The following RNF157 variants were observed in gnomAD, a reference collection of about 807,000 sequenced individuals.
RNF157 encodes E3 ubiquitin ligase RNF157.
Under a neutral mutation model 88.3 loss-of-function variants are expected in RNF157, and 55 were observed. The observed-to-expected ratio is 0.62, with a 90% CI of 0.50 to 0.78. The LOEUF is 0.78. Among genes scored for constraint, RNF157 ranks in the 30% least tolerant of loss-of-function variants. The pLI, the probability that RNF157 is intolerant of heterozygous loss-of-function variation, is 0.00. For missense variants in RNF157, 788 were observed against 860.8 expected (o/e 0.92, Z 1.06); for synonymous variants, 334 against 341.2 (o/e 0.98, Z 0.23).
intron 13 of RNF157, 84 bp downstream of exon 13, chr17:76,158,309 A>G: frequency 1.1e-6 from 1 of 892,562 alleles, no homozygotes; most frequent in Non-Finnish European, 1.9e-6. Context: ...AGTGAATGAG[A>G]GCAGAGGGAC....
intron 2 of RNF157, among the ~76,000 whole-genome samples, chr17:76,194,879 G>A (rs1356942004): frequency 1.3e-5 from 2 of 152,124 alleles, no homozygotes; most frequent in Non-Finnish European, 1.5e-5. Flanking sequence ...GCCAGGCGTG[G>A]TGGCGGGCGC....
chr17:76,196,143 G>A (rs539821205), intron 2 of RNF157, among the ~76,000 whole-genome samples: 53 of 152,282 alleles, frequency 3.5e-4, no homozygotes, highest in African/African-American at 1.1e-3. Context: ...TAACACTGCC[G>A]CCTCAATAAA....
chr17:76,201,992 C>G (rs767086581), intron 2 of RNF157, among the ~76,000 whole-genome samples: 7 of 151,652 alleles, frequency 4.6e-5, no homozygotes, highest in Non-Finnish European at 7.4e-5. Context: ...AGGGTACGCA[C>G]AGCTCAAAAT....
At chr17:76,179,719 A>G (rs549617234) in intron 2 of RNF157, among the ~76,000 whole-genome samples, 60 of 152,294 alleles carry the variant, frequency 3.9e-4, no homozygotes, top group African/African-American at 1.4e-3. Context: ...ATCTTATTTC[A>G]ACCTAAAACC....
At chr17:76,159,162 A>G (rs557026615) in intron 12 of RNF157, among the ~76,000 whole-genome samples, 173 bp downstream of exon 12, 7 of 152,270 alleles carry the variant, frequency 4.6e-5, no homozygotes, top group Admixed American at 4.6e-4. Flanking sequence ...GTACCTACAT[A>G]CCATCTTATT....
chr17:76,174,551 A>G (rs1330507616), intron 2 of RNF157, among the ~76,000 whole-genome samples: 1 of 152,240 alleles, frequency 6.6e-6, no homozygotes, highest in Non-Finnish European at 1.5e-5. Flanking sequence ...GTATTTTTAA[A>G]ATGTTATTTG....
intron 2 of RNF157, among the ~76,000 whole-genome samples, chr17:76,180,234 G>A (rs2069168580): frequency 6.6e-6 from 1 of 152,152 alleles, no homozygotes; most frequent in Admixed American, 6.6e-5. Context: ...GCAGCTTCTA[G>A]AATCCTATTT....
rs1298230853 is a variant in RNF157, at chr17:76,159,347, T to G, written c.1292A>C (p.Lys431Thr). Reference sequence around the variant, plus strand: ...ACTGGCTACTCACTTGGAGAGACTCTTTTTGAGTTTGAGTCCCTGACTGCT... The same window carrying G: ...ACTGGCTACTCACTTGGAGAGACTCGTTTTGAGTTTGAGTCCCTGACTGCT... ...DSSSQGLKLK[K>T]SLSKSTSQNS... The change falls in exon 12 of 19, where the codon AAG (lysine) becomes ACG (threonine). Residue 431 changes from lysine to threonine, a missense_variant. Physicochemically the swap from Lys to Thr is moderately conservative, Grantham distance 78. Coordinates refer to ENST00000269391, the MANE Select transcript of RNF157 (RefSeq NM_052916.3). The G allele has an allele frequency of 6.2e-7, 1 of 1,613,274 alleles. No homozygotes were observed.
In RNF157 at chr17:76,240,288, C is replaced by T; in HGVS notation, c.-48G>A. 1.0e-6 allele frequency: 1 copy of T among 962,652 alleles called. No individual in the cohort carries two copies. Among genetic ancestry groups the T allele is most frequent in the South Asian group, 4.7e-5 (1 of 21,170 alleles). The allele number at this position is 962,652 out of a possible 1,614,324, so 59.6% of individuals were successfully genotyped here. ...GCCCGGCCCCGGTGCCCGCGCCGCC[C>T]TCCGCGCTTCACCGCGGCCGCCCGC... is the stretch of plus-strand genomic sequence containing the variant. On this transcript the variant is annotated 5_prime_UTR_variant, in exon 1 of 19. Transcript: ENST00000269391. The surrounding 1 kb of genome is among the most constrained non-coding windows in gnomAD (Gnocchi z 4.4).
intron 1 of RNF157, among the ~76,000 whole-genome samples, chr17:76,239,007 C>CG (rs1178280741): frequency 6.6e-6 from 1 of 152,174 alleles, no homozygotes; most frequent in Non-Finnish European, 1.5e-5. Context: ...TTTCACCTGG[C>CG]AGACACTGGA....
At chr17:76,171,373 G>C (rs1014891338) in intron 3 of RNF157, among the ~76,000 whole-genome samples, 1 of 151,392 alleles carries the variant, frequency 6.6e-6, no homozygotes, top group African/African-American at 2.4e-5. Context: ...ATTTTTAGTA[G>C]AGACGGGTTT....
At chr17:76,235,363 A>G (rs946292653) in intron 1 of RNF157, among the ~76,000 whole-genome samples, 1 of 152,024 alleles carries the variant, frequency 6.6e-6, no homozygotes, top group Non-Finnish European at 1.5e-5. Context: ...ATGCCTGGCT[A>G]ATTTTTTTGT....
chr17:76,204,895 C>CT (rs1439825634), intron 2 of RNF157, among the ~76,000 whole-genome samples: 1 of 151,686 alleles, frequency 6.6e-6, no homozygotes, highest in East Asian at 1.9e-4. Context: ...AGCGATTCTC[C>CT]TGCCTCAGCC....
chr17:76,212,831 A>T (rs570145757), intron 1 of RNF157, among the ~76,000 whole-genome samples: 77 of 152,256 alleles, frequency 5.1e-4, no homozygotes, highest in Non-Finnish European at 1.0e-3. Flanking sequence ...ACTACACTCC[A>T]GTCTGGGCGA....
intron 1 of RNF157, among the ~76,000 whole-genome samples, chr17:76,213,043 T>A (rs1400400596): frequency 6.6e-6 from 1 of 152,194 alleles, no homozygotes; most frequent in Non-Finnish European, 1.5e-5. Flanking sequence ...CTTAACTGAA[T>A]TCTTCTAATG....
intron 2 of RNF157, among the ~76,000 whole-genome samples, chr17:76,182,760 C>CATATATATATATATATATATATATATAT (rs377581288): frequency 3.8e-4 from 35 of 93,316 alleles, no homozygotes; most frequent in African/African-American, 1.7e-3. Flanking sequence ...GGCCTCGTCT[C>CATATATATATATATATATATATATATAT]ATATATATAT....
intron 2 of RNF157, among the ~76,000 whole-genome samples, chr17:76,184,510 G>C (rs769614156): frequency 2.0e-5 from 3 of 152,156 alleles, no homozygotes; most frequent in Non-Finnish European, 4.4e-5. Flanking sequence ...GTATTTGCTT[G>C]AATGCTGTGA....
intron 8 of RNF157, 71 bp from the exon 9 acceptor site, chr17:76,162,694 A>G (rs2144840132): frequency 7.4e-6 from 8 of 1,085,862 alleles, no homozygotes; most frequent in Non-Finnish European, 2.7e-6. Flanking sequence ...ACTCCCTCCA[A>G]TCTTACCTCT....
intron 1 of RNF157, among the ~76,000 whole-genome samples, chr17:76,215,864 A>G (rs1436659849): frequency 6.6e-6 from 1 of 152,206 alleles, no homozygotes; most frequent in African/African-American, 2.4e-5. Context: ...CATCTGATAC[A>G]GTGATACAAC....
Sources: allele counts gnomAD v4.1 joint callset (sites outside exome capture counted in the v4.1 genomes callset), GRCh38; gene constraint gnomAD v4.1.1; non-coding constraint Gnocchi (gnomAD v3.1); transcripts MANE v1.5; gene names NCBI Gene and HGNC (gene_info 2026-07-23, HGNC 2026-07-21).